Variants in SOS1 observed in about 807,000 individuals in gnomAD.
SOS1 encodes the protein SOS Ras/Rac guanine nucleotide exchange factor 1.
A neutral mutation model predicts 157.6 loss-of-function variants in SOS1; 25 were observed. That is an observed-to-expected ratio of 0.16 (90% CI 0.12 to 0.22). The LOEUF (loss-of-function observed/expected upper bound fraction) is 0.22. Among genes scored for constraint, SOS1 ranks in the 10% least tolerant of loss-of-function variants. The pLI, the probability that SOS1 is intolerant of heterozygous loss-of-function variation, is 1.00. For missense variants in SOS1, 1,237 were observed against 1,599.1 expected, an observed-to-expected ratio of 0.77 and a Z score of 3.86; for synonymous variants, 528 against 534.0, an observed-to-expected ratio of 0.99 and a Z score of 0.16.
chr2:39,100,583 G>A (rs1314478715), intron 1 of SOS1, among the ~76,000 whole-genome samples: 2 of 152,070 alleles, frequency 1.3e-5, no homozygotes, highest in Non-Finnish European at 2.9e-5. Flanking sequence ...TGATGACATC[G>A]CTTATATATG....
At chr2:39,069,011 G>A (rs888101994) in intron 1 of SOS1, among the ~76,000 whole-genome samples, 1 of 151,948 alleles carries the variant, frequency 6.6e-6, no homozygotes, top group Non-Finnish European at 1.5e-5. Flanking sequence ...TTCATTAGCT[G>A]AGAGGGTGTG....
chr2:39,072,452 T>C (rs1173139013), intron 1 of SOS1, among the ~76,000 whole-genome samples: 3 of 152,160 alleles, frequency 2.0e-5, no homozygotes, highest in Admixed American at 2.0e-4. Context: ...TTCAGGAGCA[T>C]AAGCCTTTAA....
In SOS1 at chr2:38,982,559, A is replaced by G. The variant is rs1398806654; in HGVS notation, c.*3265T>C. The G allele has an allele frequency of 1.3e-5, 2 of 152,206 alleles. No homozygotes were observed. Among genetic ancestry groups the G allele is most frequent in the Non-Finnish European group, 2.9e-5 (2 of 68,012 alleles). The allele number at this position is 152,206 out of a possible 1,614,324, so 9.4% of individuals were successfully genotyped here. ...TAGTCACACAATATATGTTAAAAGA[A>G]TAAGTAAACCTATTCACAGCAGCAG... On this transcript the variant is annotated 3_prime_UTR_variant, in exon 23 of 23. Coordinates refer to ENST00000402219, the MANE Select transcript of SOS1 (RefSeq NM_005633.4).
chr2:39,006,604 G>GA (rs749536632), intron 16 of SOS1, 75 bp from the exon 17 acceptor site: 12 of 787,598 alleles, frequency 1.5e-5, no homozygotes, highest in Non-Finnish European at 2.5e-5. Flanking sequence ...TAGGCTAACA[G>GA]AAACGCCCAA....
chr2:39,039,403 CAGT>C (rs1370339547), intron 6 of SOS1, among the ~76,000 whole-genome samples: 1 of 152,184 alleles, frequency 6.6e-6, no homozygotes, highest in Non-Finnish European at 1.5e-5. Flanking sequence ...TACTTAGCAG[CAGT>C]GATTTTTCCC....
intron 8 of SOS1, among the ~76,000 whole-genome samples, chr2:39,029,392 G>A (rs1047466739): frequency 6.6e-6 from 1 of 152,168 alleles, no homozygotes; most frequent in Non-Finnish European, 1.5e-5. Flanking sequence ...TTGGGAGGCT[G>A]AGGTGGGCAG....
chr2:39,005,160 A>G (rs1403414639), intron 17 of SOS1, among the ~76,000 whole-genome samples: 1 of 152,190 alleles, frequency 6.6e-6, no homozygotes, highest in African/African-American at 2.4e-5. Flanking sequence ...TAAATTAGGC[A>G]CAGTAAGATT....
intron 6 of SOS1, among the ~76,000 whole-genome samples, chr2:39,041,800 G>A (rs373755925): frequency 3.9e-5 from 6 of 152,150 alleles, no homozygotes; most frequent in African/African-American, 1.4e-4. Context: ...TACTCTATGT[G>A]TTAACAAACC....
chr2:39,110,074 G>GTC (rs1005443941), intron 1 of SOS1, among the ~76,000 whole-genome samples: 2 of 150,494 alleles, frequency 1.3e-5, no homozygotes, highest in Admixed American at 1.3e-4. Context: ...GTGTGTGTGT[G>GTC]TGTGTATGTG....
At chr2:38,995,534 AT>A in intron 19 of SOS1, 147 bp from the exon 20 acceptor site, 1 of 652,562 alleles carries the variant, frequency 1.5e-6, no homozygotes, top group Non-Finnish European at 2.7e-6. Flanking sequence ...AAAGTAGAAC[AT>A]TTAAAGCATT....
intron 1 of SOS1, among the ~76,000 whole-genome samples, chr2:39,076,200 G>A (rs1671991850): frequency 6.6e-6 from 1 of 152,112 alleles, no homozygotes; most frequent in African/African-American, 2.4e-5. Context: ...AGAGTTTTGA[G>A]ACCAGTCTGG....
At chr2:39,017,401 T>C (rs1006734206) in intron 10 of SOS1, among the ~76,000 whole-genome samples, 5 of 152,160 alleles carry the variant, frequency 3.3e-5, no homozygotes, top group Non-Finnish European at 7.4e-5. Flanking sequence ...ACTGAAAAAT[T>C]AGCAGTCTAA....
intron 15 of SOS1, among the ~76,000 whole-genome samples, chr2:39,007,978 C>G (rs1669334650): frequency 1.3e-5 from 2 of 152,202 alleles, no homozygotes; most frequent in South Asian, 4.2e-4. Flanking sequence ...CTGGTCCCTC[C>G]CTTCTTTCTC....
Position 39,023,150 on chromosome 2 carries a change from C to G in SOS1, c.1278G>C (p.Gln426His). ...TTCCCTCCCAACCATCAATATTCTTCTGAATCTCGTTCATCTTCTTGATTG... is the reference window on the plus strand; with the variant it reads ...TTCCCTCCCAACCATCAATATTCTTGTGAATCTCGTTCATCTTCTTGATTG... ...QLAIKKMNEI[Q>H]KNIDGWEGKD... is the part of the protein sequence containing the mutation. The change falls in exon 10 of 23, where the codon CAG (glutamine) becomes CAC (histidine). Residue 426 changes from glutamine to histidine, a missense_variant. Physicochemically the swap from Gln to His is conservative, Grantham distance 24. Around this residue, in one of 15 missense-constraint regions of SOS1, gnomAD observed 210 missense variants for 220.2 expected, o/e 0.95. Coordinates refer to ENST00000402219, the MANE Select transcript of SOS1 (RefSeq NM_005633.4). 6.2e-7 allele frequency: 1 copy of G among 1,613,238 alleles called. No individual in the cohort carries two copies. Among genetic ancestry groups the G allele is most frequent in the Non-Finnish European group, 8.5e-7 (1 of 1,179,492 alleles).
chr2:39,021,744 T>TAA (rs1324666417), intron 10 of SOS1, among the ~76,000 whole-genome samples: 2 of 151,662 alleles, frequency 1.3e-5, no homozygotes, highest in African/African-American at 4.8e-5. Context: ...TGAACTTTTA[T>TAA]AGCCTTAAAA....
intron 1 of SOS1, among the ~76,000 whole-genome samples, chr2:39,108,083 A>G (rs565166531): frequency 6.6e-6 from 1 of 152,182 alleles, no homozygotes; most frequent in East Asian, 1.9e-4. Flanking sequence ...CACCATCCCC[A>G]CTTAGACACC....
At chr2:39,035,998 A>G (rs1285829229) in intron 6 of SOS1, among the ~76,000 whole-genome samples, 1 of 152,198 alleles carries the variant, frequency 6.6e-6, no homozygotes. Flanking sequence ...AAACAATTAA[A>G]CAAAATCCGA....
At chr2:39,067,532 T>C (rs1476124784) in intron 2 of SOS1, 96 bp downstream of exon 2, 1 of 1,077,040 alleles carries the variant, frequency 9.3e-7, no homozygotes, top group Non-Finnish European at 1.4e-6. Context: ...TTATATACCA[T>C]ATATATAGAG....
chr2:39,115,645 C>T (rs1673622782), intron 1 of SOS1, among the ~76,000 whole-genome samples: 1 of 151,994 alleles, frequency 6.6e-6, no homozygotes, highest in African/African-American at 2.4e-5. Context: ...ATTATGTTGC[C>T]TAGGCTGGCC....
Sources: allele counts gnomAD v4.1 joint callset (sites outside exome capture counted in the v4.1 genomes callset), GRCh38; gene constraint gnomAD v4.1.1; regional missense constraint gnomAD v4.1.1; transcripts MANE v1.5; gene names NCBI Gene and HGNC (gene_info 2026-07-23, HGNC 2026-07-21).